Variants in FSHR observed in about 807,000 individuals in gnomAD.
The protein encoded by FSHR is follicle stimulating hormone receptor, also known as follicle-stimulating hormone receptor.
FSHR carries 46 observed loss-of-function variants against 52.1 expected under a neutral mutation model. The ratio of observed to expected loss-of-function variants is 0.88; its 90% CI spans 0.70 to 1.13. The LOEUF is 1.13. Ranked by LOEUF, FSHR falls within the 50% of genes most tolerant of loss-of-function variation. The pLI is 0.00. For synonymous variants in FSHR, 399 were observed against 309.6 expected, an observed-to-expected ratio of 1.29 and a Z score of -3.03; for missense variants, 964 against 834.6, an observed-to-expected ratio of 1.16 and a Z score of -1.91.
chr2:48,990,179 TTAGA>T (rs1353860206), intron 5 of FSHR, among the ~76,000 whole-genome samples: 1 of 152,188 alleles, frequency 6.6e-6, no homozygotes, highest in Non-Finnish European at 1.5e-5. Flanking sequence ...AATGTGTTTG[TTAGA>T]TAGTTTCTTT....
chr2:49,118,216 G>A (rs905825344), intron 1 of FSHR, among the ~76,000 whole-genome samples: 2 of 152,166 alleles, frequency 1.3e-5, no homozygotes, highest in Non-Finnish European at 2.9e-5. Flanking sequence ...GTTGAGAGAT[G>A]TATTCCCAAG....
At chr2:49,147,286 A>T (rs1672904125) in intron 1 of FSHR, among the ~76,000 whole-genome samples, 1 of 152,072 alleles carries the variant, frequency 6.6e-6, no homozygotes, top group African/African-American at 2.4e-5. Context: ...GGGCTATATA[A>T]GCTAAAATCT....
chr2:49,018,523 A>G (rs1572640551), intron 3 of FSHR, among the ~76,000 whole-genome samples: 1 of 152,268 alleles, frequency 6.6e-6, no homozygotes, highest in Middle Eastern at 3.4e-3. Flanking sequence ...GAGATGAAAG[A>G]CCCAAACCAC....
intron 2 of FSHR, among the ~76,000 whole-genome samples, chr2:49,030,010 T>C (rs1288381429): frequency 6.6e-6 from 1 of 152,220 alleles, no homozygotes; most frequent in Non-Finnish European, 1.5e-5. Flanking sequence ...ATCCTTCTTA[T>C]GGCACTGCAT....
intron 1 of FSHR, among the ~76,000 whole-genome samples, chr2:49,097,193 T>C (rs1288873444): frequency 6.6e-6 from 1 of 152,242 alleles, no homozygotes; most frequent in African/African-American, 2.4e-5. Flanking sequence ...ATTCTTTTTT[T>C]CTGTTCAGTT....
At chr2:49,077,274 C>T (rs1317882137) in intron 1 of FSHR, among the ~76,000 whole-genome samples, 6 of 152,204 alleles carry the variant, frequency 3.9e-5, no homozygotes. Flanking sequence ...CTTTTGTGCT[C>T]AACATCATGT....
chr2:48,985,999 C>A (rs1048882216), intron 6 of FSHR, among the ~76,000 whole-genome samples: 4 of 152,272 alleles, frequency 2.6e-5, no homozygotes, highest in African/African-American at 9.6e-5. Flanking sequence ...AGGCGTGAGC[C>A]ACCGCGCCCG....
At chr2:48,980,518 G>T (rs1194661055) in intron 8 of FSHR, among the ~76,000 whole-genome samples, 1 of 152,102 alleles carries the variant, frequency 6.6e-6, no homozygotes, top group Admixed American at 6.5e-5. Flanking sequence ...TCTTCGCCTG[G>T]AATCTGCTTG....
intron 1 of FSHR, among the ~76,000 whole-genome samples, chr2:49,073,355 G>C (rs1280776569): frequency 6.6e-6 from 1 of 152,012 alleles, no homozygotes; most frequent in Non-Finnish European, 1.5e-5. Context: ...AATGAATTAA[G>C]TAAAGTTGTG....
chr2:49,130,578 A>C (rs1558458645), intron 1 of FSHR, among the ~76,000 whole-genome samples: 1 of 152,246 alleles, frequency 6.6e-6, no homozygotes, highest in Admixed American at 6.5e-5. Flanking sequence ...ATTCAAAGAT[A>C]TCTCTTGAGG....
chr2:48,978,667 A>T (rs1447359338), intron 8 of FSHR, among the ~76,000 whole-genome samples: 2 of 152,234 alleles, frequency 1.3e-5, no homozygotes, highest in Non-Finnish European at 2.9e-5. Context: ...AAAAACTCAG[A>T]TGGCTGCTGA....
At chr2:49,115,464 ATAGTTGT>A (rs1671566603) in intron 1 of FSHR, among the ~76,000 whole-genome samples, 1 of 152,106 alleles carries the variant, frequency 6.6e-6, no homozygotes. Context: ...TCGTAAACCA[ATAGTTGT>A]TAATTCGGAA....
intron 4 of FSHR, among the ~76,000 whole-genome samples, chr2:49,011,054 T>C (rs1159881801): frequency 3.3e-5 from 5 of 151,136 alleles, no homozygotes; most frequent in Non-Finnish European, 7.4e-5. Flanking sequence ...TTTTAGTTAT[T>C]TCTTGCCTTC....
intron 2 of FSHR, among the ~76,000 whole-genome samples, chr2:49,038,074 G>C (rs930924170): frequency 2.0e-5 from 3 of 152,118 alleles, no homozygotes; most frequent in African/African-American, 7.2e-5. Context: ...AAAGATAATA[G>C]AGTTATGTGC....
At chr2:48,996,004 G>A (rs1215818559) in intron 4 of FSHR, among the ~76,000 whole-genome samples, 1 of 152,042 alleles carries the variant, frequency 6.6e-6, no homozygotes, top group African/African-American at 2.4e-5. Context: ...AGGCAAATTT[G>A]ATTAAGAGAG....
intron 2 of FSHR, among the ~76,000 whole-genome samples, chr2:49,032,158 G>A (rs1022473266): frequency 6.6e-6 from 1 of 152,164 alleles, no homozygotes; most frequent in African/African-American, 2.4e-5. Context: ...AACGTTTAAA[G>A]TTTTCTCCAA....
At chr2:49,094,428 G>A (rs1670743806) in intron 1 of FSHR, among the ~76,000 whole-genome samples, 1 of 152,064 alleles carries the variant, frequency 6.6e-6, no homozygotes, top group Non-Finnish European at 1.5e-5. Context: ...CATTTCTGTT[G>A]CATTTCCTTT....
chr2:49,030,183 G>T (rs1169779571), intron 2 of FSHR, among the ~76,000 whole-genome samples: 1 of 152,098 alleles, frequency 6.6e-6, no homozygotes, highest in East Asian at 1.9e-4. Flanking sequence ...TTTAAAGAGG[G>T]CTCCATTGAT....
intron 2 of FSHR, among the ~76,000 whole-genome samples, chr2:49,045,148 G>A (rs1388732067): frequency 6.6e-6 from 1 of 152,114 alleles, no homozygotes; most frequent in Non-Finnish European, 1.5e-5. Context: ...TGTTTGTTAT[G>A]TGCTTTTCTC....
Sources: allele counts gnomAD v4.1 joint callset (sites outside exome capture counted in the v4.1 genomes callset), GRCh38; gene constraint gnomAD v4.1.1; transcripts MANE v1.5; gene names NCBI Gene and HGNC (gene_info 2026-07-23, HGNC 2026-07-21).